ABCC9: variants seen among roughly 807,000 people sequenced by gnomAD.
The protein encoded by ABCC9 is ATP-binding cassette sub-family C member 9.
Under a neutral mutation model 188.3 loss-of-function variants are expected in ABCC9, and 95 were observed. That is an observed-to-expected ratio of 0.50 (90% confidence interval 0.43 to 0.60). ABCC9 has a LOEUF of 0.60. ABCC9 is among the 20% of genes least tolerant of loss of function. The probability of loss-of-function intolerance (pLI) is 0.00; values close to 1 mark genes in which losing one functional copy is unlikely to be tolerated. For synonymous variants in ABCC9, 659 were observed against 652.7 expected (o/e 1.01, Z -0.15); for missense variants, 1,102 against 1,876.3 (o/e 0.59, Z 7.62).
intron 12 of ABCC9, among the ~76,000 whole-genome samples, chr12:21,900,030 C>T (rs1250480193): frequency 2.6e-5 from 4 of 152,186 alleles, no homozygotes; most frequent in African/African-American, 7.2e-5. Flanking sequence ...GGTCCCTGAC[C>T]CCCAAGTAGC....
chr12:21,824,061 G>A (rs1352546893), intron 31 of ABCC9, among the ~76,000 whole-genome samples: 5 of 152,102 alleles, frequency 3.3e-5, no homozygotes, highest in Admixed American at 1.3e-4. Flanking sequence ...TAGACAAAGA[G>A]GAAAAATCAT....
At chr12:21,881,999 T>C (rs564524271) in intron 16 of ABCC9, among the ~76,000 whole-genome samples, 1 of 152,250 alleles carries the variant, frequency 6.6e-6, no homozygotes, top group South Asian at 2.1e-4. Flanking sequence ...AAGTGGCTAT[T>C]GTGGTAAGGT....
chr12:21,844,659 T>C, intron 27 of ABCC9, 107 bp from the exon 28 acceptor site: 1 of 1,565,654 alleles, frequency 6.4e-7, no homozygotes, highest in Non-Finnish European at 8.8e-7. Flanking sequence ...CCCTATTCAT[T>C]TGCTCAAGGA....
At chr12:21,871,604 G>A (rs370143426) in intron 18 of ABCC9, among the ~76,000 whole-genome samples, 1 of 152,222 alleles carries the variant, frequency 6.6e-6, no homozygotes, top group East Asian at 1.9e-4. Context: ...CAGCCACGGT[G>A]GAATTCATGA....
At chr12:21,940,906 G>A (rs1480750869) in intron 1 of ABCC9, 81 bp from the exon 2 acceptor site, 1 of 152,146 alleles carries the variant, frequency 6.6e-6, no homozygotes, top group Non-Finnish European at 1.5e-5. Flanking sequence ...TACAAGAAAG[G>A]CGGTAATAAT....
chr12:21,909,016 T>C (rs938167468), intron 10 of ABCC9, among the ~76,000 whole-genome samples: 2 of 151,930 alleles, frequency 1.3e-5, no homozygotes, highest in Non-Finnish European at 2.9e-5. Flanking sequence ...ATGCCAATGA[T>C]AATAGCTTAA....
intron 15 of ABCC9, among the ~76,000 whole-genome samples, chr12:21,885,920 C>T (rs886702965): frequency 2.0e-5 from 3 of 152,084 alleles, no homozygotes. Context: ...CTGGGAAAAG[C>T]TTTCCAAGTT....
At chr12:21,832,115 C>G (rs1943795499) in intron 30 of ABCC9, among the ~76,000 whole-genome samples, 1 of 152,176 alleles carries the variant, frequency 6.6e-6, no homozygotes, top group Non-Finnish European at 1.5e-5. Context: ...CAGCCTGTAT[C>G]TTTTCATCCA....
chr12:21,849,992 T>C (rs1471698872), intron 24 of ABCC9, among the ~76,000 whole-genome samples: 1 of 151,978 alleles, frequency 6.6e-6, no homozygotes, highest in African/African-American at 2.4e-5. Context: ...AAGCACTGCA[T>C]TAGGAAATTT....
chr12:21,860,907 A>G, intron 21 of ABCC9, 64 bp downstream of exon 21: 1 of 1,269,348 alleles, frequency 7.9e-7, no homozygotes. Flanking sequence ...ATTAAAGATT[A>G]AAGACAACCA....
chr12:21,865,703 C>T lies in ABCC9; in HGVS notation c.2199-1226G>A, dbSNP rs183093965. Reference sequence around the variant, plus strand: ...TGGACATTTGAGAATGTCAGCCCAACGCAGAGATATGGATTAAGAATTCAT... The same window carrying T: ...TGGACATTTGAGAATGTCAGCCCAATGCAGAGATATGGATTAAGAATTCAT... On this transcript the variant is annotated intron_variant, in intron 18 of 39. Coordinates refer to ENST00000261200, the MANE Select transcript of ABCC9 (RefSeq NM_020297.4). Among the ~76,000 whole-genome samples, 326 of 152,154 alleles carry T rather than the reference C, an allele frequency of 2.1e-3. 2 individuals are homozygous for T. Among genetic ancestry groups the T allele is most frequent in the African/African-American group, 7.3e-3 (301 of 41,500 alleles).
In ABCC9 at chr12:21,802,866, T is replaced by C. The variant is rs1339111884; in HGVS notation, c.4513-1685A>G. Among the ~76,000 whole-genome samples, 3 of 152,086 alleles carry C rather than the reference T, an allele frequency of 2.0e-5. No individual in the cohort carries two copies. In the East Asian group the frequency reaches 5.8e-4, roughly 29 times the overall value. On this transcript the variant is annotated intron_variant, in intron 39 of 39. Coordinates refer to ENST00000261200, the MANE Select transcript of ABCC9 (RefSeq NM_020297.4). ...CCTGGGCCATGTAGATAGGGTGGGC[T>C]CAGTGTTTATGCTTTCAGAAAAGCC...
intron 15 of ABCC9, 41 bp from the exon 16 acceptor site, chr12:21,882,914 TA>T (rs768788869): frequency 6.6e-7 from 1 of 1,524,702 alleles, no homozygotes; most frequent in South Asian, 1.1e-5. Flanking sequence ...GAGGCTTTAT[TA>T]AAAAAATGAA....
chr12:21,828,346 A>G (rs1943514187), intron 31 of ABCC9: 1 of 155,142 alleles, frequency 6.4e-6, no homozygotes, highest in Admixed American at 6.3e-5. Context: ...TGCATTTGCC[A>G]ATCAGTGTAG....
intron 30 of ABCC9, among the ~76,000 whole-genome samples, chr12:21,832,567 C>G (rs1040337403): frequency 1.3e-5 from 2 of 151,566 alleles, no homozygotes; most frequent in African/African-American, 4.9e-5. Context: ...AAAGTAAAAC[C>G]ACAATGAGAC....
chr12:21,862,462 C>T (rs1434983884), intron 20 of ABCC9, among the ~76,000 whole-genome samples: 2 of 152,112 alleles, frequency 1.3e-5, no homozygotes, highest in Non-Finnish European at 2.9e-5. Context: ...AAGACCCACG[C>T]TTGCAAGAGT....
rs925855074 is a variant in ABCC9, at chr12:21,797,834, T to C, written c.*3210A>G. On this transcript the variant is annotated 3_prime_UTR_variant, in exon 40 of 40. Transcript: ENST00000261200. ...CCTGGTATTTTAATATAATGCTTTA[T>C]GCATTTATTGCTTCTTATGAGATTA... The C allele has an allele frequency of 6.6e-6, 1 of 152,234 alleles. No individual in the cohort carries two copies. Among genetic ancestry groups the C allele is most frequent in the South Asian group, 2.1e-4 (1 of 4,830 alleles). 9.4% of individuals were successfully genotyped at this position (152,234 alleles called of 1,614,324 possible).
intron 4 of ABCC9, 136 bp from the exon 5 acceptor site, chr12:21,926,199 T>A (rs1050801703): frequency 8.2e-7 from 1 of 1,217,290 alleles, no homozygotes; most frequent in South Asian, 1.3e-5. Flanking sequence ...GTTTCCAAGA[T>A]AATACATAAG....
chr12:21,813,493 T>C (rs1284768551), intron 35 of ABCC9, among the ~76,000 whole-genome samples: 1 of 152,136 alleles, frequency 6.6e-6, no homozygotes, highest in African/African-American at 2.4e-5. Flanking sequence ...CCTATGGCTA[T>C]TAAAAAGAGA....
Sources: allele counts gnomAD v4.1 joint callset (sites outside exome capture counted in the v4.1 genomes callset), GRCh38; gene constraint gnomAD v4.1.1; transcripts MANE v1.5; gene names NCBI Gene and HGNC (gene_info 2026-07-23, HGNC 2026-07-21).